The following LARP4B variants were observed in gnomAD, a reference collection of about 807,000 sequenced individuals.
The protein encoded by LARP4B is la-related protein 4B.
In LARP4B, 12 loss-of-function variants were observed where a neutral mutation model predicts 89.8. The observed-to-expected ratio is 0.13, with a 90% confidence interval of 0.09 to 0.22. The LOEUF (loss-of-function observed/expected upper bound fraction) is 0.22. Among genes scored for constraint, LARP4B ranks in the 10% least tolerant of loss-of-function variants. LARP4B has a pLI of 1.00. For missense variants in LARP4B, 757 were observed against 947.7 expected (o/e 0.80, Z 2.64); for synonymous variants, 367 against 363.3 (o/e 1.01, Z -0.12).
upstream of LARP4B, among the ~76,000 whole-genome samples, chr10:933,989 C>G (rs144998205): frequency 2.0e-5 from 3 of 151,914 alleles, no homozygotes; most frequent in Non-Finnish European, 2.9e-5. Flanking sequence ...CATGCCACCA[C>G]GCCCAGCTAA....
chr10:930,351 A>C (rs1322719136), intron 1 of LARP4B, among the ~76,000 whole-genome samples: 4 of 152,188 alleles, frequency 2.6e-5, no homozygotes, highest in Non-Finnish European at 4.4e-5. Flanking sequence ...TGTCAAGGAA[A>C]ACCTTCCTGT....
chr10:831,297 T>TTTTTTTTTTTTTTA (rs57239843), intron 8 of LARP4B, among the ~76,000 whole-genome samples: 1 of 147,200 alleles, frequency 6.8e-6, no homozygotes, highest in African/African-American at 2.5e-5. Flanking sequence ...TTTTTTTTTT[T>TTTTTTTTTTTTTTA]AAAGGCAATT....
the LARP4B span, among the ~76,000 whole-genome samples, chr10:967,730 A>G: frequency 6.6e-6 from 1 of 152,138 alleles, no homozygotes; most frequent in African/African-American, 2.4e-5. Context: ...TTCCGTGGGC[A>G]CACCATCTTC....
At chr10:986,088 C>G in the LARP4B span, 2 of 152,210 alleles carry the variant, frequency 1.3e-5, no homozygotes, top group Admixed American at 1.3e-4. Flanking sequence ...GTAAAGGCTC[C>G]TTTCAGGCAG....
chr10:986,600 G>A, the LARP4B span: 1 of 152,120 alleles, frequency 6.6e-6, no homozygotes, highest in African/African-American at 2.4e-5. Context: ...TATAGCTCTG[G>A]GCCCATGATG....
intron 6 of LARP4B, among the ~76,000 whole-genome samples, chr10:844,278 C>T (rs1251077804): frequency 1.3e-5 from 2 of 152,222 alleles, no homozygotes; most frequent in Admixed American, 1.3e-4. Flanking sequence ...TTTGCGTCTA[C>T]CATGTCATGG....
intron 1 of LARP4B, among the ~76,000 whole-genome samples, chr10:904,487 G>A (rs1192424418): frequency 1.3e-5 from 2 of 148,784 alleles, no homozygotes; most frequent in East Asian, 4.2e-4. Flanking sequence ...CTGGGGGGCG[G>A]AGGGTTGGGG....
the LARP4B span, among the ~76,000 whole-genome samples, chr10:977,484 A>G: frequency 6.6e-6 from 1 of 151,340 alleles, no homozygotes; most frequent in South Asian, 2.1e-4. Flanking sequence ...GGCTGCAGTG[A>G]GCCAAGATAG....
At chr10:988,339 A>G in the LARP4B span, 3 of 683,904 alleles carry the variant, frequency 4.4e-6, no homozygotes, top group African/African-American at 5.4e-5. Flanking sequence ...CGACGCGGAA[A>G]GCGCCGTAGA....
chr10:923,041 C>CT (rs1281534054), intron 1 of LARP4B, among the ~76,000 whole-genome samples: 1 of 151,896 alleles, frequency 6.6e-6, no homozygotes, highest in African/African-American at 2.4e-5. Context: ...TGCCACTGCA[C>CT]TCCAGCCTGG....
At chr10:832,508 AG>A (rs1319996100) in intron 8 of LARP4B, among the ~76,000 whole-genome samples, 1 of 152,238 alleles carries the variant, frequency 6.6e-6, no homozygotes, top group African/African-American at 2.4e-5. Context: ...GATAAATTTC[AG>A]GTACGAGAAG....
chr10:922,953 C>T (rs1457557990), intron 1 of LARP4B, among the ~76,000 whole-genome samples: 2 of 151,954 alleles, frequency 1.3e-5, no homozygotes, highest in Admixed American at 1.3e-4. Context: ...CACACGCCTG[C>T]AGTCCCAGTT....
the LARP4B span, among the ~76,000 whole-genome samples, chr10:962,358 A>C: frequency 6.6e-6 from 1 of 151,750 alleles, no homozygotes; most frequent in African/African-American, 2.4e-5. Context: ...CAACAATATG[A>C]CTTCATTTAA....
At chr10:988,292 T>C in the LARP4B span, 2 of 600,288 alleles carry the variant, frequency 3.3e-6, no homozygotes, top group East Asian at 2.9e-5. Flanking sequence ...TCACACGCCC[T>C]CCGTGGCTGA....
the LARP4B span, among the ~76,000 whole-genome samples, chr10:955,741 TAAAC>T: frequency 6.6e-6 from 1 of 151,790 alleles, no homozygotes; most frequent in African/African-American, 2.4e-5. The surrounding 1 kb of genome is among the most constrained non-coding windows in gnomAD (Gnocchi z 5.2). Flanking sequence ...TAGCAGGAAA[TAAAC>T]AAAGTAAGGA....
chr10:868,442 G>C (rs997817660), intron 3 of LARP4B, among the ~76,000 whole-genome samples: 1 of 150,546 alleles, frequency 6.6e-6, no homozygotes, highest in Admixed American at 6.6e-5. Context: ...TGAAAGGCAA[G>C]GCACCATCGT....
intron 3 of LARP4B, among the ~76,000 whole-genome samples, chr10:874,928 T>C (rs992792028): frequency 1.3e-5 from 2 of 152,188 alleles, no homozygotes; most frequent in Admixed American, 1.3e-4. Flanking sequence ...ATCCATTTTG[T>C]CACACGTCTT....
intron 1 of LARP4B, among the ~76,000 whole-genome samples, chr10:889,040 G>A (rs1224313486): frequency 3.9e-5 from 6 of 151,996 alleles, no homozygotes; most frequent in African/African-American, 7.3e-5. Flanking sequence ...AGCCGAGATC[G>A]CACCACTGCA....
At chr10:988,316 C>G in the LARP4B span, 4 of 634,116 alleles carry the variant, frequency 6.3e-6, no homozygotes, top group Non-Finnish European at 8.5e-6. Flanking sequence ...CCAAGCCGGG[C>G]GGGTGCGCTG....
Sources: allele counts gnomAD v4.1 joint callset (sites outside exome capture counted in the v4.1 genomes callset), GRCh38; gene constraint gnomAD v4.1.1; non-coding constraint Gnocchi (gnomAD v3.1); transcripts MANE v1.5; gene names NCBI Gene and HGNC (gene_info 2026-07-23, HGNC 2026-07-21).